The following GMDS variants were observed in gnomAD, a reference collection of about 807,000 sequenced individuals.
GMDS encodes GDP-mannose 4,6-dehydratase, also known as GDP-mannose 4,6 dehydratase.
GMDS carries 20 observed loss-of-function variants against 49.9 expected under a neutral mutation model. The observed-to-expected ratio is 0.40, with a 90% CI of 0.28 to 0.58. GMDS has a LOEUF of 0.58. Among genes scored for constraint, GMDS ranks in the 20% least tolerant of loss-of-function variants. The pLI is 0.42. For missense variants in GMDS, 362 were observed against 481.4 expected, an observed-to-expected ratio of 0.75 and a Z score of 2.32; for synonymous variants, 177 against 178.6, an observed-to-expected ratio of 0.99 and a Z score of 0.07.
rs535530139 is a variant in GMDS, at chr6:2,191,468, C to T, written c.102+53853G>A. 1.3e-5 allele frequency among the ~76,000 whole-genome samples: 2 copies of T among 152,318 alleles called. No individual in the cohort carries two copies. Among genetic ancestry groups the T allele is most frequent in the East Asian group, 1.9e-4 (1 of 5,166 alleles). On this transcript the variant is annotated intron_variant, in intron 1 of 10. Transcript: ENST00000380815. The surrounding 1 kb of genome is among the most constrained non-coding windows in gnomAD (Gnocchi z 4.6). ...CTGCCCTCCCAGACACATCTGCAGCCGCCCAGGTGGGGCTGTGGACCCGGG... is the reference window on the plus strand; with the variant it reads ...CTGCCCTCCCAGACACATCTGCAGCTGCCCAGGTGGGGCTGTGGACCCGGG...
chr6:1,816,605 T>C lies in GMDS; in HGVS notation c.772-74019A>G, dbSNP rs551209124. ...AAACGATTTTGCTTTGTTTTCTGTT[T>C]TTTATAACTCATATAAAAGTAATAT... On this transcript the variant is annotated intron_variant, in intron 7 of 10. Transcript: ENST00000380815. 5.3e-5 allele frequency among the ~76,000 whole-genome samples: 8 copies of C among 152,344 alleles called. No individual in the cohort carries two copies. The South Asian group carries it at 1.7e-3, about 32-fold the overall frequency.
chr6:1,798,237 GCACACACA>G (rs70992103), intron 7 of GMDS, among the ~76,000 whole-genome samples: 9,428 of 143,402 alleles, frequency 0.066, 379 homozygotes, highest in African/African-American at 0.11. Context: ...TAATTACAGA[GCACACACA>G]CACACACACA....
chr6:1,806,094 C>A (rs1242336843), intron 7 of GMDS, among the ~76,000 whole-genome samples: 2 of 151,900 alleles, frequency 1.3e-5, no homozygotes, highest in Admixed American at 1.3e-4. Context: ...GCCTGGGCAA[C>A]ATAGTGAGAC....
At chr6:1,974,609 G>A (rs1158821755) in intron 4 of GMDS, among the ~76,000 whole-genome samples, 2 of 152,142 alleles carry the variant, frequency 1.3e-5, no homozygotes, top group Non-Finnish European at 2.9e-5. Context: ...GGAGCCTCTT[G>A]ATCTAACAGA....
chr6:1,912,599 A>C (rs1761127453), intron 7 of GMDS, among the ~76,000 whole-genome samples: 1 of 152,124 alleles, frequency 6.6e-6, no homozygotes, highest in African/African-American at 2.4e-5. Flanking sequence ...GAAAAAGAAA[A>C]TACTGTGGGG....
intron 4 of GMDS, among the ~76,000 whole-genome samples, chr6:1,980,186 C>T (rs1368634745): frequency 6.6e-6 from 1 of 152,124 alleles, no homozygotes; most frequent in Non-Finnish European, 1.5e-5. Flanking sequence ...TTAATCCACA[C>T]ATAACAATAC....
intron 1 of GMDS, among the ~76,000 whole-genome samples, chr6:2,167,864 A>G (rs1239952155): frequency 2.0e-5 from 3 of 152,218 alleles, no homozygotes; most frequent in Non-Finnish European, 4.4e-5. Context: ...TGGGAACAAC[A>G]TTCCTCTTGT....
chr6:2,120,951 C>T (rs190361004), intron 2 of GMDS, among the ~76,000 whole-genome samples: 2 of 152,280 alleles, frequency 1.3e-5, no homozygotes, highest in Non-Finnish European at 2.9e-5. Flanking sequence ...ATCAATAAGC[C>T]CATGAGTCCC....
intron 9 of GMDS, among the ~76,000 whole-genome samples, chr6:1,689,547 C>A (rs148968638): frequency 6.6e-6 from 1 of 152,310 alleles, no homozygotes; most frequent in Non-Finnish European, 1.5e-5. Context: ...TGGTATAAGA[C>A]AATGGATATT....
At chr6:1,928,531 A>G (rs775210112) in intron 7 of GMDS, among the ~76,000 whole-genome samples, 2 of 152,214 alleles carry the variant, frequency 1.3e-5, no homozygotes, top group Non-Finnish European at 2.9e-5. Flanking sequence ...GACAAAAGAA[A>G]GTTTTGGCTT....
chr6:1,732,477 G>C (rs1766849192), intron 8 of GMDS, among the ~76,000 whole-genome samples: 1 of 152,164 alleles, frequency 6.6e-6, no homozygotes. Flanking sequence ...CGGAGGGATG[G>C]GTCAAGGGGA....
In GMDS at chr6:2,179,842, T is replaced by C. The variant is rs543937231; in HGVS notation, c.103-55111A>G. ...TTAGAAGAAGCCCTGAAGTTTCTTA[T>C]ACCAATGTGAGTCCATAAGATCATA... On this transcript the variant is annotated intron_variant, in intron 1 of 10. Transcript: ENST00000380815. 2.6e-5 allele frequency among the ~76,000 whole-genome samples: 4 copies of C among 152,208 alleles called. No individual in the cohort carries two copies. The East Asian group carries it at 5.8e-4, about 22-fold the overall frequency.
chr6:1,839,628 C>A (rs968595146), intron 7 of GMDS, among the ~76,000 whole-genome samples: 2 of 152,230 alleles, frequency 1.3e-5, no homozygotes, highest in Non-Finnish European at 2.9e-5. Context: ...TCTGACCACT[C>A]TAGTCTATTC....
At chr6:2,109,459 A>G (rs570143099) in intron 4 of GMDS, among the ~76,000 whole-genome samples, 4 of 152,352 alleles carry the variant, frequency 2.6e-5, no homozygotes, top group African/African-American at 9.6e-5. Flanking sequence ...TCACATCTTA[A>G]GGAAACACAG....
intron 7 of GMDS, among the ~76,000 whole-genome samples, chr6:1,823,525 C>T (rs181908432): frequency 6.6e-6 from 1 of 152,154 alleles, no homozygotes; most frequent in South Asian, 2.1e-4. Flanking sequence ...CTACAAATGG[C>T]AGGTTCATCT....
chr6:1,773,611 A>T (rs1216931171), intron 7 of GMDS, among the ~76,000 whole-genome samples: 1 of 152,350 alleles, frequency 6.6e-6, no homozygotes, highest in African/African-American at 2.4e-5. Flanking sequence ...TGGCTCGGAA[A>T]CAGGCCTGTG....
At chr6:2,190,401 A>G (rs892931813) in intron 1 of GMDS, among the ~76,000 whole-genome samples, 39 of 152,322 alleles carry the variant, frequency 2.6e-4, no homozygotes, top group Middle Eastern at 3.4e-3. Flanking sequence ...TCTCACAGTT[A>G]TTCTGCTCTG....
At chr6:2,170,505 T>C (rs1296403987) in intron 1 of GMDS, among the ~76,000 whole-genome samples, 1 of 152,022 alleles carries the variant, frequency 6.6e-6, no homozygotes, top group African/African-American at 2.4e-5. Flanking sequence ...TGCACACCTA[T>C]AGTCCTAGCT....
chr6:1,779,289 AAC>A (rs551277653), intron 7 of GMDS, among the ~76,000 whole-genome samples: 398 of 152,252 alleles, frequency 2.6e-3, no homozygotes, highest in Non-Finnish European at 4.8e-3. Flanking sequence ...CAGTCCCACT[AAC>A]ACAGCCTCCT....
Sources: allele counts gnomAD v4.1 joint callset (sites outside exome capture counted in the v4.1 genomes callset), GRCh38; gene constraint gnomAD v4.1.1; non-coding constraint Gnocchi (gnomAD v3.1); transcripts MANE v1.5; gene names NCBI Gene and HGNC (gene_info 2026-07-23, HGNC 2026-07-21).